Variants in RBFOX1 observed in about 807,000 individuals in gnomAD.
The protein encoded by RBFOX1 is RNA binding fox-1 homolog 1.
RBFOX1 carries 8 observed loss-of-function variants against 57.7 expected under a neutral mutation model. That is an observed-to-expected ratio of 0.14 (90% CI 0.08 to 0.25). The LOEUF (loss-of-function observed/expected upper bound fraction) is 0.25, where lower values mean the gene tolerates loss of function less well. Among genes scored for constraint, RBFOX1 ranks in the 10% least tolerant of loss-of-function variants. The pLI, the probability that RBFOX1 is intolerant of heterozygous loss-of-function variation, is 1.00. For synonymous variants in RBFOX1, 326 were observed against 222.4 expected (o/e 1.47, Z -4.15); for missense variants, 611 against 548.5 (o/e 1.11, Z -1.14).
intron 4 of RBFOX1, among the ~76,000 whole-genome samples, chr16:7,408,680 C>G (rs2098386762): frequency 6.6e-6 from 1 of 152,162 alleles, no homozygotes; most frequent in Admixed American, 6.5e-5. Flanking sequence ...ACATTTTAGG[C>G]CGAACATGTA....
At chr16:6,211,185 C>CCATGAGACAGAGTGTTTGCTTA (rs1426493154) in intron 1 of RBFOX1, among the ~76,000 whole-genome samples, 1 of 123,218 alleles carries the variant, frequency 8.1e-6, no homozygotes. Context: ...GTGTTTTCTT[C>CCATGAGACAGAGTGTTTGCTTA]TTCTTTTTTT....
chr16:6,621,894 C>G (rs1275642759), intron 2 of RBFOX1, among the ~76,000 whole-genome samples: 1 of 151,870 alleles, frequency 6.6e-6, no homozygotes, highest in Non-Finnish European at 1.5e-5. Flanking sequence ...AAGTGGATGA[C>G]ATGATTTAAA....
chr16:6,654,715 G>T, intron 3 of RBFOX1, 65 bp downstream of exon 3: 1 of 1,273,096 alleles, frequency 7.9e-7, no homozygotes, highest in Non-Finnish European at 1.1e-6. Flanking sequence ...TTGAACCCAG[G>T]TGTTTAAGGC....
intron 1 of RBFOX1, among the ~76,000 whole-genome samples, chr16:5,330,069 C>G (rs1463458692): frequency 6.6e-6 from 1 of 151,874 alleles, no homozygotes; most frequent in Non-Finnish European, 1.5e-5. Context: ...GACCCGTGAA[C>G]TCTCTGAGGC....
intron 3 of RBFOX1, among the ~76,000 whole-genome samples, chr16:6,971,290 G>A (rs1211564882): frequency 6.6e-6 from 1 of 152,154 alleles, no homozygotes; most frequent in African/African-American, 2.4e-5. Flanking sequence ...TATGTAAGCT[G>A]AGATAGGAAA....
chr16:5,845,115 C>G (rs977594558), intron 3 of RBFOX1, among the ~76,000 whole-genome samples: 7 of 149,350 alleles, frequency 4.7e-5, no homozygotes, highest in East Asian at 2.0e-4. Flanking sequence ...ATTTCAGAGG[C>G]CTGTATTCCC....
chr16:7,051,045 C>T (rs2049897904), intron 3 of RBFOX1, among the ~76,000 whole-genome samples: 1 of 152,014 alleles, frequency 6.6e-6, no homozygotes, highest in Non-Finnish European at 1.5e-5. Context: ...GGTTCCTAAA[C>T]CTTCATATCC....
chr16:6,819,593 T>C (rs1052064318), intron 3 of RBFOX1, among the ~76,000 whole-genome samples: 4 of 150,918 alleles, frequency 2.7e-5, no homozygotes, highest in Non-Finnish European at 5.9e-5. Context: ...TAATCCCAGC[T>C]ACTCGGGAGG....
rs1370700984 is a variant in RBFOX1, at chr16:6,242,602, C to G, written c.-126-74393C>G. Among the ~76,000 whole-genome samples the G allele has an allele frequency of 7.6e-5, 11 of 144,440 alleles. 1 individual carries two copies. The highest frequency in any genetic ancestry group is 1.5e-4 in the Non-Finnish European group (10 of 66,842). 94.8% of individuals were successfully genotyped at this position (144,440 alleles called of 152,430 possible). A position where few individuals can be genotyped will look rare whatever the true frequency, so the allele number is the denominator to read the frequency against. ...TCTCTGCTTGTTAGGCATTTACGTT[C>G]AGTTTGAGAGAGGATAATTTATTGC... On this transcript the variant is annotated intron_variant, in intron 1 of 15. Transcript: ENST00000550418.
At chr16:7,417,453 A>ACAC (rs967367078) in intron 4 of RBFOX1, among the ~76,000 whole-genome samples, 2 of 151,628 alleles carry the variant, frequency 1.3e-5, no homozygotes, top group Non-Finnish European at 2.9e-5. Context: ...TAACCAAAGT[A>ACAC]CACCACCACC....
chr16:7,610,727 C>G (rs946762860), intron 10 of RBFOX1, among the ~76,000 whole-genome samples: 3 of 152,168 alleles, frequency 2.0e-5, no homozygotes, highest in African/African-American at 7.2e-5. Context: ...ATTTGAAGAC[C>G]TGCAAACACT....
In RBFOX1 at chr16:6,147,245, T is replaced by A. The variant is rs768523164; in HGVS notation, c.-127+127253T>A. 6.2e-4 allele frequency among the ~76,000 whole-genome samples: 95 copies of A among 152,232 alleles called. 1 individual carries two copies. Among genetic ancestry groups the A allele is most frequent in the Non-Finnish European group, 1.0e-3 (70 of 68,040 alleles). On this transcript the variant is annotated intron_variant, in intron 1 of 15. Transcript: ENST00000550418. ...TGCATGCTCTCTTAGCGTCCTCTGCTGGCCGCTGTTGATGGTGGTGATTGT... is the reference window on the plus strand; with the variant it reads ...TGCATGCTCTCTTAGCGTCCTCTGCAGGCCGCTGTTGATGGTGGTGATTGT...
intron 3 of RBFOX1, among the ~76,000 whole-genome samples, chr16:5,837,774 A>G (rs756347721): frequency 3.9e-5 from 6 of 152,140 alleles, no homozygotes; most frequent in African/African-American, 1.4e-4. Flanking sequence ...GGCTTTCCCA[A>G]CCAGACTTCC....
intron 2 of RBFOX1, among the ~76,000 whole-genome samples, chr16:6,633,228 G>T (rs1402343414): frequency 2.0e-5 from 3 of 152,124 alleles, no homozygotes; most frequent in Non-Finnish European, 4.4e-5. Flanking sequence ...TATAGACCAA[G>T]AAACAGTCCT....
intron 3 of RBFOX1, among the ~76,000 whole-genome samples, chr16:6,803,229 A>C (rs1343354723): frequency 6.6e-6 from 1 of 152,126 alleles, no homozygotes; most frequent in Non-Finnish European, 1.5e-5. Context: ...CTCATTGCCT[A>C]TGACATTGCT....
Position 6,073,793 on chromosome 16 carries a change from T to A in RBFOX1, c.-127+53801T>A, listed in dbSNP as rs202110312. ...AAGCAGAACCATAAAAGGTATATAT[T>A]TTTTTTATTTGATAGGGCTCTTTCA... On this transcript the variant is annotated intron_variant, in intron 1 of 15. Coordinates refer to ENST00000550418, the MANE Select transcript of RBFOX1 (RefSeq NM_018723.4). 9.7e-4 allele frequency among the ~76,000 whole-genome samples: 110 copies of A among 113,272 alleles called. No homozygotes were observed. In the East Asian group the frequency reaches 0.013, roughly 14 times the overall value. The allele number at this position is 113,272 out of a possible 152,430, so 74.3% of individuals were successfully genotyped here. A position where few individuals can be genotyped will look rare whatever the true frequency, so the allele number is the denominator to read the frequency against.
chr16:7,705,077 G>C (rs1383077154), intron 14 of RBFOX1, among the ~76,000 whole-genome samples: 1 of 150,040 alleles, frequency 6.7e-6, no homozygotes, highest in Non-Finnish European at 1.5e-5. Flanking sequence ...CAGAGAGCCA[G>C]AGAAAGAAGC....
chr16:7,226,502 G>T (rs1192315888), intron 4 of RBFOX1, among the ~76,000 whole-genome samples: 1 of 152,140 alleles, frequency 6.6e-6, no homozygotes, highest in Non-Finnish European at 1.5e-5. Flanking sequence ...ACATTCTGAG[G>T]GCAAAACCCT....
chr16:6,170,661 G>A (rs551266676), intron 1 of RBFOX1, among the ~76,000 whole-genome samples: 2 of 152,086 alleles, frequency 1.3e-5, no homozygotes, highest in East Asian at 3.9e-4. Context: ...CCCGTGTCAC[G>A]GGGGTTTGTT....
Sources: allele counts gnomAD v4.1 joint callset (sites outside exome capture counted in the v4.1 genomes callset), GRCh38; gene constraint gnomAD v4.1.1; transcripts MANE v1.5; gene names NCBI Gene and HGNC (gene_info 2026-07-23, HGNC 2026-07-21).